The following ZDHHC1 variants were observed in gnomAD, a reference collection of about 807,000 sequenced individuals.
ZDHHC1 encodes palmitoyltransferase ZDHHC1.
ZDHHC1 carries 45 observed loss-of-function variants against 46.9 expected under a neutral mutation model. That is an observed-to-expected ratio of 0.96 (90% CI 0.76 to 1.23). The LOEUF (loss-of-function observed/expected upper bound fraction) is 1.23, where lower values mean the gene tolerates loss of function less well. Ranked by LOEUF, ZDHHC1 falls within the 50% of genes most tolerant of loss-of-function variation. The pLI is 0.00. For synonymous variants in ZDHHC1, 291 were observed against 286.0 expected (o/e 1.02, Z -0.18); for missense variants, 649 against 670.8 (o/e 0.97, Z 0.36).
At chr16:67,413,614 C>T (rs1352842981) in intron 1 of ZDHHC1, among the ~76,000 whole-genome samples, 1 of 152,134 alleles carries the variant, frequency 6.6e-6, no homozygotes, top group Non-Finnish European at 1.5e-5. Context: ...TGTGGCTGGG[C>T]CCTTGCTTTC....
intron 1 of ZDHHC1, among the ~76,000 whole-genome samples, chr16:67,415,554 C>G (rs1295468558): frequency 6.6e-6 from 1 of 152,092 alleles, no homozygotes; most frequent in African/African-American, 2.4e-5. Context: ...GTCAGGAGTT[C>G]GAGAACAGCC....
Position 67,406,451 on chromosome 16 carries a change from G to A in ZDHHC1, c.10-9C>T, listed in dbSNP as rs1293839432. The A allele has an allele frequency of 1.3e-6, 2 of 1,517,596 alleles. No homozygotes were observed. The highest frequency in any genetic ancestry group is 4.3e-5 in the Admixed American group (2 of 46,104). The allele number at this position is 1,517,596 out of a possible 1,614,324, so 94.0% of individuals were successfully genotyped here. A position where few individuals can be genotyped will look rare whatever the true frequency, so the allele number is the denominator to read the frequency against. Reference sequence around the variant, plus strand: ...TTGTTGCAGATGTTCATCTCCAGAGGGAGAAACAGTAGAGAGAGCATTAGC... The same window carrying A: ...TTGTTGCAGATGTTCATCTCCAGAGAGAGAAACAGTAGAGAGAGCATTAGC... On this transcript the variant is annotated splice_polypyrimidine_tract_variant and intron_variant, in intron 2 of 11. Coordinates refer to ENST00000565726, the MANE Select transcript of ZDHHC1 (RefSeq NM_001323627.2). This position sits in a 1 kb window ranked among gnomAD's most constrained non-coding sequence, Gnocchi z 4.1.
At chr16:67,409,780 C>T (rs2040720597) in intron 1 of ZDHHC1, among the ~76,000 whole-genome samples, 1 of 152,186 alleles carries the variant, frequency 6.6e-6, no homozygotes, top group Non-Finnish European at 1.5e-5. Context: ...CACCCTCTGA[C>T]CTTGGCCAGT....
In ZDHHC1 at chr16:67,416,413, C is replaced by G. The variant is rs1229449738; in HGVS notation, c.-281G>C. ...TCCGGCTCCGGCTCCGGCTCCGGCT[C>G]CGGCTCCAGCAGGCTGGAGGGGCGG... is the stretch of plus-strand genomic sequence containing the variant. On this transcript the variant is annotated 5_prime_UTR_variant, in exon 1 of 12. Transcript: ENST00000565726. The G allele has an allele frequency of 4.8e-6, 1 of 206,724 alleles. No individual in the cohort carries two copies. The highest frequency in any genetic ancestry group is 2.9e-5 in the African/African-American group (1 of 35,026). The allele number at this position is 206,724 out of a possible 1,614,324, so 12.8% of individuals were successfully genotyped here.
intron 3 of ZDHHC1, chr16:67,404,076 AAG>A (rs1172971878): frequency 6.6e-6 from 1 of 152,392 alleles, no homozygotes; most frequent in Non-Finnish European, 1.5e-5. Flanking sequence ...TCATCCAGGG[AAG>A]AGAGGCAGTT....
chr16:67,399,328 G>T (rs2040499266), intron 5 of ZDHHC1, 27 bp downstream of exon 5: 1 of 1,592,344 alleles, frequency 6.3e-7, no homozygotes, highest in Non-Finnish European at 8.6e-7. Context: ...GCATCCCCAG[G>T]CCCGCGTGCG....
intron 4 of ZDHHC1, 21 bp downstream of exon 4, chr16:67,400,936 C>A (rs1383562685): frequency 1.2e-6 from 2 of 1,610,138 alleles, no homozygotes; most frequent in African/African-American, 2.7e-5. Context: ...TCGGCAGCCA[C>A]AAGCACCCAC....
intron 7 of ZDHHC1, 40 bp downstream of exon 7, chr16:67,398,533 G>A: frequency 1.3e-6 from 2 of 1,562,048 alleles, no homozygotes; most frequent in Middle Eastern, 2.2e-4. Context: ...GCAATCTGAG[G>A]ACCCCTGCGT....
intron 1 of ZDHHC1, among the ~76,000 whole-genome samples, chr16:67,408,145 G>A (rs1193576827): frequency 6.6e-6 from 1 of 152,072 alleles, no homozygotes; most frequent in Non-Finnish European, 1.5e-5. Flanking sequence ...TCAACTGGTG[G>A]TATTTGGGTT....
chr16:67,409,161 C>A (rs1209574255), intron 1 of ZDHHC1, among the ~76,000 whole-genome samples: 4 of 152,130 alleles, frequency 2.6e-5, no homozygotes, highest in Non-Finnish European at 5.9e-5. Flanking sequence ...GGAGGAGTCA[C>A]CATCTGCAGC....
Position 67,406,494 on chromosome 16 carries a change from A to T in ZDHHC1, c.10-52T>A. ...GCATTAGCCCAAGAAGCTGGGCTGG[A>T]GCCCAGGGCCTGTGTCTGCAGCCAA... is the stretch of plus-strand genomic sequence containing the variant. On this transcript the variant is annotated intron_variant, in intron 2 of 11. Coordinates refer to ENST00000565726, the MANE Select transcript of ZDHHC1 (RefSeq NM_001323627.2). This position sits in a 1 kb window ranked among gnomAD's most constrained non-coding sequence, Gnocchi z 4.1. The T allele has an allele frequency of 1.4e-6, 2 of 1,455,534 alleles. No homozygotes were observed. Among genetic ancestry groups the T allele is most frequent in the Non-Finnish European group, 1.8e-6 (2 of 1,102,716 alleles). The allele number at this position is 1,455,534 out of a possible 1,614,324, so 90.2% of individuals were successfully genotyped here. A position where few individuals can be genotyped will look rare whatever the true frequency, so the allele number is the denominator to read the frequency against.
chr16:67,396,518 T>C (rs1170056825), intron 8 of ZDHHC1, among the ~76,000 whole-genome samples: 1 of 151,776 alleles, frequency 6.6e-6, no homozygotes, highest in African/African-American at 2.4e-5. Flanking sequence ...AAGCCTATGT[T>C]TGGGGGCAAC....
chr16:67,398,081 A>G (rs2040466753), intron 8 of ZDHHC1, 131 bp downstream of exon 8: 1 of 890,008 alleles, frequency 1.1e-6, no homozygotes, highest in Non-Finnish European at 1.8e-6. Context: ...CGCTCAGCAC[A>G]AGCCCGGTCC....
At chr16:67,409,092 A>G (rs1567522260) in intron 1 of ZDHHC1, among the ~76,000 whole-genome samples, 1 of 152,074 alleles carries the variant, frequency 6.6e-6, no homozygotes, top group South Asian at 2.1e-4. Flanking sequence ...ATCTGGCCCC[A>G]CTGCCTGGCA....
rs2142216455 is a variant in ZDHHC1, at chr16:67,394,666, T to C, written c.1393A>G (p.Ser465Gly). 8.0e-7 allele frequency: 1 copy of C among 1,247,870 alleles called. No homozygotes were observed. Among genetic ancestry groups the C allele is most frequent in the Non-Finnish European group, 1.0e-6 (1 of 998,614 alleles). The allele number at this position is 1,247,870 out of a possible 1,614,324, so 77.3% of individuals were successfully genotyped here. A position where few individuals can be genotyped will look rare whatever the true frequency, so the allele number is the denominator to read the frequency against. Residue 465 changes from serine (S) to glycine (G), a missense_variant, in exon 12 of 12, where the codon AGC (serine) becomes GGC (glycine). Physicochemically the swap from Ser to Gly is moderately conservative, Grantham distance 56 (BLOSUM62 0). Coordinates refer to ENST00000565726, the MANE Select transcript of ZDHHC1 (RefSeq NM_001323627.2). ...GCCCTGGGCTCGCCGCTGCTCGGGC[T>C]CACGAAAACGGCGGGCGCACGCGCC... The part of the protein sequence containing the change: ...RQARAPAVFV[S>G]PSSGEPRAPG...
At chr16:67,400,434 G>A (rs957477041) in intron 4 of ZDHHC1, among the ~76,000 whole-genome samples, 2 of 152,222 alleles carry the variant, frequency 1.3e-5, no homozygotes, top group African/African-American at 4.8e-5. Context: ...GGCCCCCCTG[G>A]GCCTCAGACT....
At chr16:67,395,306 C>G (rs753589885) in intron 9 of ZDHHC1, 26 bp from the exon 10 acceptor site, 28 of 1,508,252 alleles carry the variant, frequency 1.9e-5, no homozygotes, top group Non-Finnish European at 2.5e-5. Flanking sequence ...GAGGGTAAGC[C>G]TGGGGCCTGT....
At chr16:67,404,548 T>TG in intron 3 of ZDHHC1, 1 of 379,584 alleles carries the variant, frequency 2.6e-6, no homozygotes, top group South Asian at 1.9e-5. Flanking sequence ...ATGAACCAGG[T>TG]GGTTCTGTGA....
intron 1 of ZDHHC1, among the ~76,000 whole-genome samples, chr16:67,413,697 T>C (rs1225696532): frequency 6.6e-6 from 1 of 152,048 alleles, no homozygotes; most frequent in East Asian, 1.9e-4. Context: ...CCCAGAACTT[T>C]GGGAAGCCGA....
Sources: gnomAD v4.1 joint callset for allele counts (sites outside exome capture counted in the v4.1 genomes callset) on GRCh38, gnomAD v4.1.1 for gene constraint, Gnocchi (gnomAD v3.1) non-coding constraint, MANE v1.5 for transcripts, NCBI Gene and HGNC (gene_info 2026-07-23, HGNC 2026-07-21) for gene names.